The following RANBP2 variants were observed in gnomAD, a reference collection of about 807,000 sequenced individuals.
The protein encoded by RANBP2 is RAN binding protein 2.
RANBP2 carries 57 observed loss-of-function variants against 303.6 expected under a neutral mutation model. That is an observed-to-expected ratio of 0.19 (90% CI 0.15 to 0.23). The LOEUF is 0.23. Among genes scored for constraint, RANBP2 ranks in the 10% least tolerant of loss-of-function variants. RANBP2 has a pLI of 1.00. For missense variants in RANBP2, 3,138 were observed against 3,780.8 expected (o/e 0.83, Z 4.46); for synonymous variants, 1,167 against 1,301.5 (o/e 0.90, Z 2.23).
At chr2:109,369,319 A>G in the RANBP2 span, among the ~76,000 whole-genome samples, 3 of 152,174 alleles carry the variant, frequency 2.0e-5, no homozygotes, top group African/African-American at 2.4e-5. Context: ...ATTGCACTCC[A>G]GTCTGGCGAC....
the RANBP2 span, chr2:109,613,874 G>T: frequency 8.1e-7 from 1 of 1,230,956 alleles, no homozygotes; most frequent in Non-Finnish European, 1.0e-6. Context: ...GCCCGGCCCC[G>T]AGCGGCTGGT....
the RANBP2 span, among the ~76,000 whole-genome samples, chr2:109,157,533 T>C: frequency 6.6e-6 from 1 of 152,292 alleles, no homozygotes; most frequent in South Asian, 2.1e-4. Context: ...TCTCATTGGG[T>C]CTTCAAGAAC....
At chr2:108,933,892 G>T in the RANBP2 span, among the ~76,000 whole-genome samples, 1 of 152,232 alleles carries the variant, frequency 6.6e-6, no homozygotes, top group East Asian at 2.0e-4. Flanking sequence ...CCTGGACTTG[G>T]CTTCAGGATG....
the RANBP2 span, among the ~76,000 whole-genome samples, chr2:108,842,949 G>A: frequency 6.6e-6 from 1 of 151,886 alleles, no homozygotes; most frequent in Non-Finnish European, 1.5e-5. Context: ...TTCTGTATAC[G>A]CTTAGAACCA....
chr2:109,118,115 C>T, the RANBP2 span, among the ~76,000 whole-genome samples: 1 of 152,206 alleles, frequency 6.6e-6, no homozygotes, highest in Non-Finnish European at 1.5e-5. Flanking sequence ...CCCTCATATC[C>T]AGCCTTTGGG....
the RANBP2 span, among the ~76,000 whole-genome samples, chr2:109,511,553 G>T: frequency 6.6e-6 from 1 of 152,180 alleles, no homozygotes; most frequent in African/African-American, 2.4e-5. Context: ...ATCAGCTAAG[G>T]CCAACCACTG....
the RANBP2 span, among the ~76,000 whole-genome samples, chr2:109,063,635 A>G: frequency 6.6e-6 from 1 of 152,074 alleles, no homozygotes; most frequent in Admixed American, 6.6e-5. Context: ...GCACCTGGGT[A>G]CACACACACA....
At chr2:109,166,612 G>A in the RANBP2 span, among the ~76,000 whole-genome samples, 2 of 152,306 alleles carry the variant, frequency 1.3e-5, no homozygotes, top group East Asian at 3.9e-4. Context: ...AAAATATTTT[G>A]AGACATTCCA....
At chr2:109,106,107 C>T in the RANBP2 span, among the ~76,000 whole-genome samples, 119 of 151,984 alleles carry the variant, frequency 7.8e-4, 2 homozygotes, top group East Asian at 0.022. Context: ...GTGGTCTGCC[C>T]GCCCCAGCTT....
chr2:109,300,380 A>G, the RANBP2 span, among the ~76,000 whole-genome samples: 1 of 152,062 alleles, frequency 6.6e-6, no homozygotes, highest in African/African-American at 2.4e-5. Flanking sequence ...GGGTTTCACC[A>G]CGTTGGTCAG....
the RANBP2 span, among the ~76,000 whole-genome samples, chr2:108,954,983 C>T: frequency 8.5e-4 from 130 of 152,198 alleles, no homozygotes; most frequent in Non-Finnish European, 1.5e-3. Flanking sequence ...CAGACCTGGC[C>T]GGGAAGATAA....
the RANBP2 span, among the ~76,000 whole-genome samples, chr2:109,267,514 T>G: frequency 6.6e-6 from 1 of 152,176 alleles, no homozygotes; most frequent in Admixed American, 6.5e-5. Context: ...GTCTTTGTGC[T>G]TGCTTCTTTG....
At chr2:109,077,863 T>G in the RANBP2 span, among the ~76,000 whole-genome samples, 1 of 149,110 alleles carries the variant, frequency 6.7e-6, no homozygotes, top group East Asian at 1.9e-4. Flanking sequence ...TTCATGGGAA[T>G]GCAAATTGGC....
the RANBP2 span, among the ~76,000 whole-genome samples, chr2:109,524,462 A>AT: frequency 1.6e-5 from 1 of 63,260 alleles, no homozygotes; most frequent in Non-Finnish European, 3.7e-5. Flanking sequence ...AAAAAAAAAA[A>AT]AAAACAAAAC....
At chr2:109,278,531 G>C in the RANBP2 span, among the ~76,000 whole-genome samples, 2 of 152,244 alleles carry the variant, frequency 1.3e-5, no homozygotes, top group Admixed American at 1.3e-4. Context: ...CAACCCTGGG[G>C]TTACTGGAAT....
chr2:109,614,466 G>A, the RANBP2 span: 1 of 1,218,068 alleles, frequency 8.2e-7, no homozygotes, highest in Non-Finnish European at 1.0e-6. Flanking sequence ...GCCGCCCGCT[G>A]GCGGGGGAGC....
At chr2:109,574,336 C>T in the RANBP2 span, among the ~76,000 whole-genome samples, 1 of 149,972 alleles carries the variant, frequency 6.7e-6, no homozygotes, top group Non-Finnish European at 1.5e-5. Flanking sequence ...GTCCCAGCTA[C>T]CTGGGAAGCT....
chr2:109,129,321 T>G, the RANBP2 span: 1 of 742,030 alleles, frequency 1.3e-6, no homozygotes, highest in African/African-American at 1.9e-5. Context: ...CTGGGCGGGC[T>G]CGGCTGGCCG....
the RANBP2 span, among the ~76,000 whole-genome samples, chr2:108,998,968 C>CT: frequency 2.6e-4 from 39 of 152,200 alleles, no homozygotes; most frequent in African/African-American, 9.2e-4. Context: ...TCTTCAGACT[C>CT]TAACGGCAGC....
Sources: allele counts gnomAD v4.1 joint callset (sites outside exome capture counted in the v4.1 genomes callset), GRCh38; gene constraint gnomAD v4.1.1; transcripts MANE v1.5; gene names NCBI Gene and HGNC (gene_info 2026-07-23, HGNC 2026-07-21).